The following DHX34 variants were observed in gnomAD, a reference collection of about 807,000 sequenced individuals.
DHX34 encodes DExH-box helicase 34, also known as probable ATP-dependent RNA helicase DHX34.
DHX34 carries 96 observed loss-of-function variants against 111.1 expected under a neutral mutation model. That is an observed-to-expected ratio of 0.86 (90% CI 0.73 to 1.02). The LOEUF is 1.02. DHX34 is among the 50% of genes least tolerant of loss of function. The probability of loss-of-function intolerance (pLI) is 0.00; values close to 1 mark genes in which losing one functional copy is unlikely to be tolerated. For missense variants in DHX34, 1,560 were observed against 1,579.9 expected, an observed-to-expected ratio of 0.99 and a Z score of 0.21; for synonymous variants, 688 against 670.4, an observed-to-expected ratio of 1.03 and a Z score of -0.41.
At chr19:47,374,436 CAA>C (rs35585186) in intron 9 of DHX34, among the ~76,000 whole-genome samples, 108 of 103,556 alleles carry the variant, frequency 1.0e-3, no homozygotes, top group Non-Finnish European at 8.4e-4. Context: ...AAACTCCACT[CAA>C]AAAAAAAAAA....
At chr19:47,378,244 T>C (rs1970232710) in intron 13 of DHX34, among the ~76,000 whole-genome samples, 1 of 152,142 alleles carries the variant, frequency 6.6e-6, no homozygotes, top group Non-Finnish European at 1.5e-5. Flanking sequence ...GCTCAGTCAC[T>C]TCTGTGTGTG....
rs35648523 is a variant in DHX34 at position 47,372,855 on chromosome 19, C to T, written c.1894C>T (p.Arg632Trp). ...AQSSPECAAARRPLESDQGDP... is the reference protein window; with the variant it reads ...AQSSPECAAAWRPLESDQGDP... ...GAGCAGCCCAGAGTGCGCGGCAGCA[C>T]GGCGGCCGCTGGAGAGCGACCAGGG... The change falls in exon 8 of 17, where the codon CGG becomes TGG. Residue 632 changes from arginine (R) to tryptophan (W), a missense_variant. Physicochemically the swap from Arg to Trp is moderately radical, Grantham distance 101. Transcript: ENST00000328771. 278 of 1,611,578 alleles carry T rather than the reference C, an allele frequency of 1.7e-4. No homozygotes were observed. Among genetic ancestry groups the T allele is most frequent in the Admixed American group, 5.5e-4 (33 of 59,962 alleles).
rs374173441 is a variant in DHX34, at chr19:47,355,364, C to T, written c.1017+14C>T. 10 of 1,605,586 alleles carry T rather than the reference C, an allele frequency of 6.2e-6. No homozygotes were observed. The African/African-American group carries it at 6.7e-5, about 11-fold the overall frequency. On this transcript the variant is annotated intron_variant, in intron 3 of 16. Coordinates refer to ENST00000328771, the MANE Select transcript of DHX34 (RefSeq NM_014681.6). ...TTCCCCATCACGGTGAGTACTTCCC[C>T]CTCCTCCCACATCCCCAGACCTCCA...
Position 47,355,087 on chromosome 19 carries a change from A to G in DHX34, c.754A>G (p.Ile252Val), listed in dbSNP as rs993511635. The change falls in exon 3 of 17, where the codon ATT becomes GTT. Residue 252 changes from isoleucine (I) to valine (V), a missense_variant. Ile to Val is a conservative substitution (Grantham distance 29). Transcript: ENST00000328771. ...FESTRSAATK[I>V]VFLTVGLLLR... Reference sequence around the variant, plus strand: ...GAGCACACGTTCGGCGGCCACCAAGATTGTATTCCTGACAGTGGGGCTGCT... The same window carrying G: ...GAGCACACGTTCGGCGGCCACCAAGGTTGTATTCCTGACAGTGGGGCTGCT... The G allele has an allele frequency of 3.1e-6, 5 of 1,613,450 alleles. No homozygotes were observed. Among genetic ancestry groups the G allele is most frequent in the Non-Finnish European group, 4.2e-6 (5 of 1,179,928 alleles).
intron 7 of DHX34, among the ~76,000 whole-genome samples, chr19:47,369,426 G>A (rs145340479): frequency 3.9e-5 from 6 of 152,324 alleles, no homozygotes; most frequent in Admixed American, 6.5e-5. Context: ...ACAGGTGTGA[G>A]CCACAGCTCC....
intron 5 of DHX34, 104 bp from the exon 6 acceptor site, chr19:47,362,372 T>A: frequency 1.5e-6 from 2 of 1,343,518 alleles, no homozygotes; most frequent in Non-Finnish European, 1.9e-6. Flanking sequence ...ATTAACAGAA[T>A]AAAGGAGTAA....
intron 7 of DHX34, among the ~76,000 whole-genome samples, chr19:47,370,980 T>C (rs1012624734): frequency 1.3e-5 from 2 of 152,238 alleles, no homozygotes; most frequent in Admixed American, 6.5e-5. Flanking sequence ...GGCTTCATTT[T>C]TGTTTTGGAA....
intron 7 of DHX34, 94 bp from the exon 8 acceptor site, chr19:47,372,636 G>A: frequency 7.8e-7 from 1 of 1,280,746 alleles, no homozygotes; most frequent in Non-Finnish European, 1.0e-6. Flanking sequence ...GTGGGAGCAG[G>A]AGGGCAGGCG....
rs561709760 is a variant in DHX34, at chr19:47,352,789, C to T, written c.-242C>T. 864 of 614,652 alleles carry T rather than the reference C, an allele frequency of 1.4e-3. No homozygotes were observed. Among genetic ancestry groups the T allele is most frequent in the Non-Finnish European group, 2.0e-3 (754 of 385,828 alleles). The allele number at this position is 614,652 out of a possible 1,614,324, so 38.1% of individuals were successfully genotyped here. ...CTGAAAACCCAGAATGAACTTGTGTCCATCCCAGAGATCACTGCAGATGTC... is the reference window on the plus strand; with the variant it reads ...CTGAAAACCCAGAATGAACTTGTGTTCATCCCAGAGATCACTGCAGATGTC... On this transcript the variant is annotated 5_prime_UTR_variant, in exon 2 of 17. Coordinates refer to ENST00000328771, the MANE Select transcript of DHX34 (RefSeq NM_014681.6).
rs1407233014 is a variant in DHX34 at position 47,350,795 on chromosome 19, G to C, written c.-278+1443G>C. 2.0e-5 allele frequency among the ~76,000 whole-genome samples: 3 copies of C among 152,034 alleles called. No individual in the cohort carries two copies. The East Asian group carries it at 5.8e-4, about 29-fold the overall frequency. ...AACTGAAGAGAGATGGAGAAAGGAA[G>C]AGTTGGATTACAGAGAAAAATCAGA... is the stretch of plus-strand genomic sequence containing the variant. On this transcript the variant is annotated intron_variant, in intron 1 of 16. Transcript: ENST00000328771.
chr19:47,369,575 A>T (rs1969904149), intron 7 of DHX34, among the ~76,000 whole-genome samples: 1 of 152,212 alleles, frequency 6.6e-6, no homozygotes, highest in African/African-American at 2.4e-5. Context: ...ACAGGGGCAG[A>T]TAAATGAGTG....
chr19:47,380,754 A>T, intron 14 of DHX34, 62 bp from the exon 15 acceptor site: 1 of 1,603,416 alleles, frequency 6.2e-7, no homozygotes, highest in East Asian at 2.2e-5. Context: ...AGCTGGATCC[A>T]GGTGCTTTGG....
At chr19:47,371,278 G>A (rs1969958261) in intron 7 of DHX34, among the ~76,000 whole-genome samples, 1 of 152,198 alleles carries the variant, frequency 6.6e-6, no homozygotes, top group Admixed American at 6.5e-5. Flanking sequence ...TTGCCCTGTG[G>A]GGAAAACGAG....
At position 47,352,269 on chromosome 19, in the gene DHX34, G is replaced by A. The variant is rs532906883; in HGVS notation, c.-277-485G>A. Among the ~76,000 whole-genome samples, 6 of 152,342 alleles carry A rather than the reference G, an allele frequency of 3.9e-5. No homozygotes were observed. In the South Asian group the frequency reaches 1.0e-3, roughly 26 times the overall value. ...CACTGGATTGTCACAGTCTGATGACGTGTGTGTCACATGAGAGATCATGTG... is the reference window on the plus strand; with the variant it reads ...CACTGGATTGTCACAGTCTGATGACATGTGTGTCACATGAGAGATCATGTG... On this transcript the variant is annotated intron_variant, in intron 1 of 16. Transcript: ENST00000328771.
At position 47,375,610 on chromosome 19, in the gene DHX34, A is replaced by G. The variant is rs1009721110; in HGVS notation, c.2209A>G (p.Lys737Glu). ...QHEEGAGRRR[K>E]VLRLQEEQDG... ...CGAGGAGGGCGCGGGGCGCAGGCGC[A>G]AGGTGCTGCGGCTGCAGGAGGAGCA... is the stretch of plus-strand genomic sequence containing the variant. Residue 737 changes from lysine to glutamate, a missense_variant, in exon 10 of 17, where the codon AAG becomes GAG. Coordinates refer to ENST00000328771, the MANE Select transcript of DHX34 (RefSeq NM_014681.6). The G allele has an allele frequency of 1.9e-6, 3 of 1,549,190 alleles. No homozygotes were observed. The highest frequency in any genetic ancestry group is 2.6e-6 in the Non-Finnish European group (3 of 1,150,140).
chr19:47,380,841 C>A lies in DHX34; in HGVS notation c.3008C>A (p.Thr1003Lys). ...SKIPYSLRRLTGLEVQNMYVG... is the reference protein window; with the variant it reads ...SKIPYSLRRLKGLEVQNMYVG... ...ATTCCTTACAGCCTCCGGCGGCTCA[C>A]AGGGCTAGAAGTCCAGAACATGTAT... Residue 1003 changes from threonine to lysine, a missense_variant, in exon 15 of 17, where the codon ACA (threonine) becomes AAA (lysine). Thr to Lys is a moderately conservative substitution (Grantham distance 78). Transcript: ENST00000328771. 6.2e-7 allele frequency: 1 copy of A among 1,613,968 alleles called. No individual in the cohort carries two copies. The highest frequency in any genetic ancestry group is 2.2e-5 in the East Asian group (1 of 44,876).
At chr19:47,374,530 A>C (rs1482229618) in intron 9 of DHX34, among the ~76,000 whole-genome samples, 2 of 152,056 alleles carry the variant, frequency 1.3e-5, no homozygotes, top group Non-Finnish European at 2.9e-5. Flanking sequence ...GAGTGCAGAC[A>C]GACCTGCTGT....
Position 47,375,655 on chromosome 19 carries a change from G to A in DHX34, c.2254G>A (p.Glu752Lys), listed in dbSNP as rs950574196. ...QEEQDGGSSD[E>K]DRAGPAPPGA... ...GGAGCAGGACGGCGGCTCCAGTGACGAGGACAGGGCTGGCCCAGCCCCCCC... is the reference window on the plus strand; with the variant it reads ...GGAGCAGGACGGCGGCTCCAGTGACAAGGACAGGGCTGGCCCAGCCCCCCC... Residue 752 changes from glutamate (E) to lysine (K), a missense_variant, in exon 10 of 17, where the codon GAG (glutamate) becomes AAG (lysine). Coordinates refer to ENST00000328771, the MANE Select transcript of DHX34 (RefSeq NM_014681.6). 1.3e-5 allele frequency: 20 copies of A among 1,557,148 alleles called. No individual in the cohort carries two copies. Among genetic ancestry groups the A allele is most frequent in the East Asian group, 9.5e-5 (4 of 42,142 alleles).
intron 7 of DHX34, among the ~76,000 whole-genome samples, chr19:47,368,531 C>G (rs1319030732): frequency 2.0e-5 from 3 of 150,406 alleles, no homozygotes; most frequent in Non-Finnish European, 4.4e-5. Context: ...GTCTTGAACT[C>G]CCGACCTCAG....
Sources: gnomAD v4.1 joint callset for allele counts (sites outside exome capture counted in the v4.1 genomes callset) on GRCh38, gnomAD v4.1.1 for gene constraint, MANE v1.5 for transcripts, NCBI Gene and HGNC (gene_info 2026-07-23, HGNC 2026-07-21) for gene names.